PPP1R16A: variants seen among roughly 807,000 people sequenced by gnomAD.
PPP1R16A encodes myosin phosphatase-targeting subunit 3.
In PPP1R16A, 39 loss-of-function variants were observed where a neutral mutation model predicts 46.6. That is an observed-to-expected ratio of 0.84 (90% CI 0.65 to 1.09). PPP1R16A has a LOEUF of 1.09. PPP1R16A is among the 50% of genes least tolerant of loss of function. The pLI is 0.00. For missense variants in PPP1R16A, 798 were observed against 735.6 expected, an observed-to-expected ratio of 1.08 and a Z score of -0.98; for synonymous variants, 413 against 321.5, an observed-to-expected ratio of 1.28 and a Z score of -3.04.
At chr8:144,500,245 C>A in intron 6 of PPP1R16A, 22 bp from the exon 7 acceptor site, 3 of 1,572,006 alleles carry the variant, frequency 1.9e-6, no homozygotes, top group East Asian at 2.4e-5. Context: ...GTCGCGCTCC[C>A]TCTGAGCCTG....
At position 144,501,846 on chromosome 8, in the gene PPP1R16A, C is replaced by G. The variant is rs1328557062; in HGVS notation, c.1530C>G (p.Leu510=). Residue 510 remains leucine (L), a synonymous_variant, in exon 12 of 12, where the codon CTC becomes CTG. Coordinates refer to ENST00000435887, the MANE Select transcript of PPP1R16A (RefSeq NM_001329443.2). ...GCGGGGACCCACCCCTGCTCAAGCT[C>G]ACAGCCCCGGCGGTGGAGGCTCCCG... ...RAGGDPPLLK[L]TAPAVEAPVE... 1 of 1,548,892 alleles carries G rather than the reference C, an allele frequency of 6.5e-7. No individual in the cohort carries two copies. The highest frequency in any genetic ancestry group is 1.4e-5 in the African/African-American group (1 of 73,204).
intron 2 of PPP1R16A, chr8:144,495,358 G>A (rs898782511): frequency 2.6e-5 from 4 of 151,540 alleles, no homozygotes; most frequent in African/African-American, 9.7e-5. Flanking sequence ...TGTGTAGATG[G>A]CCATGAGGCC....
Position 144,501,026 on chromosome 8 carries a change from C to CCCGGGCGGAGTGCCAG in PPP1R16A, c.1037+59_1037+74dup. 2.0e-6 allele frequency: 3 copies of CCCGGGCGGAGTGCCAG among 1,499,598 alleles called. No individual in the cohort carries two copies. In the South Asian group the frequency reaches 3.9e-5, roughly 19 times the overall value. 92.9% of individuals were successfully genotyped at this position (1,499,598 alleles called of 1,614,324 possible). ...CGGGCTTGGCCCCGCGGACGTCAGC[C>CCCGGGCGGAGTGCCAG]CCGGGCGGAGTGCCAGCCGAACTGG... On this transcript the variant is annotated intron_variant, in intron 10 of 11. Transcript: ENST00000435887.
At chr8:144,501,465 G>C in intron 11 of PPP1R16A, 55 bp from the exon 12 acceptor site, 3 of 1,487,066 alleles carry the variant, frequency 2.0e-6, no homozygotes, top group Non-Finnish European at 2.7e-6. Flanking sequence ...CTGAACCCAA[G>C]GCCAGGGAGG....
chr8:144,487,941 G>T (rs1036771116), intron 1 of PPP1R16A, among the ~76,000 whole-genome samples: 3 of 152,236 alleles, frequency 2.0e-5, no homozygotes, highest in Non-Finnish European at 2.9e-5. Flanking sequence ...CATCTTTTCA[G>T]TTCTGGGTTT....
intron 1 of PPP1R16A, among the ~76,000 whole-genome samples, chr8:144,487,629 C>G (rs1381623669): frequency 2.0e-5 from 3 of 152,214 alleles, no homozygotes; most frequent in African/African-American, 7.2e-5. Context: ...CTCGGCCTCC[C>G]AAATTGCTGG....
At chr8:144,489,043 AAAATAC>A (rs1027322662) in intron 1 of PPP1R16A, among the ~76,000 whole-genome samples, 2 of 151,330 alleles carry the variant, frequency 1.3e-5, no homozygotes, top group African/African-American at 4.9e-5. Context: ...CTCTCTACTA[AAAATAC>A]AAATATTAGC....
chr8:144,488,611 G>A (rs996657492), intron 1 of PPP1R16A, among the ~76,000 whole-genome samples: 1 of 152,180 alleles, frequency 6.6e-6, no homozygotes, highest in African/African-American at 2.4e-5. Flanking sequence ...AAGAGGTCAA[G>A]GCTCAGAGGG....
At chr8:144,481,822 G>A (rs184636992) in intron 1 of PPP1R16A, among the ~76,000 whole-genome samples, 270 of 152,146 alleles carry the variant, frequency 1.8e-3, no homozygotes, top group African/African-American at 6.3e-3. Flanking sequence ...CTGTTGCCCA[G>A]GCGGGAGTGC....
Position 144,500,394 on chromosome 8 carries a change from G to T in PPP1R16A, c.705+3G>T. 6.6e-7 allele frequency: 1 copy of T among 1,522,612 alleles called. No homozygotes were observed. The highest frequency in any genetic ancestry group is 8.8e-7 in the Non-Finnish European group (1 of 1,139,758). 94.3% of individuals were successfully genotyped at this position (1,522,612 alleles called of 1,614,324 possible). On this transcript the variant is annotated splice_donor_region_variant and intron_variant, in intron 7 of 11. Coordinates refer to ENST00000435887, the MANE Select transcript of PPP1R16A (RefSeq NM_001329443.2). ...CCCTGGACCACGGGGCCACGCTGGTGAGGGCTGGGGGGTGAGGGGCACACG... is the reference window on the plus strand; with the variant it reads ...CCCTGGACCACGGGGCCACGCTGGTTAGGGCTGGGGGGTGAGGGGCACACG...
intron 2 of PPP1R16A, among the ~76,000 whole-genome samples, chr8:144,494,230 C>T (rs929886377): frequency 4.6e-5 from 7 of 152,092 alleles, no homozygotes; most frequent in African/African-American, 1.4e-4. Context: ...CTTAGGCCTC[C>T]CAAAGTGCTG....
chr8:144,483,908 T>C (rs1238140832), intron 1 of PPP1R16A, among the ~76,000 whole-genome samples: 3 of 152,220 alleles, frequency 2.0e-5, no homozygotes, highest in Non-Finnish European at 4.4e-5. Context: ...CCTGCTCATC[T>C]CTCTGCTCTG....
At chr8:144,498,662 A>T in intron 3 of PPP1R16A, 108 bp from the exon 4 acceptor site, 1 of 1,129,360 alleles carries the variant, frequency 8.9e-7, no homozygotes, top group South Asian at 1.7e-5. Flanking sequence ...GCCTCCTGCC[A>T]TCGGCACCAC....
At chr8:144,492,871 G>A (rs1372134375) in intron 2 of PPP1R16A, among the ~76,000 whole-genome samples, 8 of 152,104 alleles carry the variant, frequency 5.3e-5, no homozygotes, top group Non-Finnish European at 1.0e-4. Flanking sequence ...CTATCTCTGG[G>A]TGAATAGAGT....
rs773480719 is a variant in PPP1R16A at position 144,501,784 on chromosome 8, A to G, written c.1468A>G (p.Thr490Ala). 3.2e-6 allele frequency: 5 copies of G among 1,561,090 alleles called. No individual in the cohort carries two copies. Among genetic ancestry groups the G allele is most frequent in the Non-Finnish European group, 3.5e-6 (4 of 1,153,618 alleles). Residue 490 changes from threonine (T) to alanine (A), a missense_variant, in exon 12 of 12, where the codon ACG (threonine) becomes GCG (alanine). By Grantham distance (58) the Thr-to-Ala change is moderately conservative (BLOSUM62 0). Coordinates refer to ENST00000435887, the MANE Select transcript of PPP1R16A (RefSeq NM_001329443.2). ...AGCTGAGCCTGGCCTGCCTGGTGAC[A>G]CGGTGACCCCCCAGCCTGACTGTGG... is the stretch of plus-strand genomic sequence containing the variant. ...ETAEPGLPGD[T>A]VTPQPDCGFR...
At chr8:144,483,781 G>A (rs1825534255) in intron 1 of PPP1R16A, among the ~76,000 whole-genome samples, 1 of 152,020 alleles carries the variant, frequency 6.6e-6, no homozygotes, top group African/African-American at 2.4e-5. Flanking sequence ...GATCACTGCA[G>A]CCTCAAACTC....
intron 3 of PPP1R16A, chr8:144,497,689 C>A: frequency 3.0e-6 from 2 of 662,152 alleles, no homozygotes; most frequent in South Asian, 1.6e-5. Flanking sequence ...CAGGCGGGGG[C>A]TGCATGCAGA....
intron 1 of PPP1R16A, among the ~76,000 whole-genome samples, chr8:144,483,400 A>C (rs549775822): frequency 1.3e-5 from 2 of 152,034 alleles, no homozygotes; most frequent in East Asian, 1.9e-4. Flanking sequence ...TGTTTTCTTT[A>C]TTTCTTTTTA....
At chr8:144,491,914 A>G (rs1825825425) in intron 2 of PPP1R16A, among the ~76,000 whole-genome samples, 1 of 152,208 alleles carries the variant, frequency 6.6e-6, no homozygotes. Flanking sequence ...CCTGGGCAAT[A>G]GAGTGAGACC....
Sources: allele counts gnomAD v4.1 joint callset (sites outside exome capture counted in the v4.1 genomes callset), GRCh38; gene constraint gnomAD v4.1.1; transcripts MANE v1.5; gene names NCBI Gene and HGNC (gene_info 2026-07-23, HGNC 2026-07-21).